ARHGEF7: variants seen among roughly 807,000 people sequenced by gnomAD.
The protein encoded by ARHGEF7 is Rho guanine nucleotide exchange factor 7.
Under a neutral mutation model 109.8 loss-of-function variants are expected in ARHGEF7, and 33 were observed. The ratio of observed to expected loss-of-function variants is 0.30; its 90% CI spans 0.23 to 0.40. The LOEUF is 0.40. Among genes scored for constraint, ARHGEF7 ranks in the 10% least tolerant of loss-of-function variants. ARHGEF7 has a pLI of 1.00. For missense variants in ARHGEF7, 938 were observed against 1,098.5 expected (o/e 0.85, Z 2.07); for synonymous variants, 458 against 424.6 (o/e 1.08, Z -0.97).
chr13:111,280,705 C>T (rs768157350), intron 15 of ARHGEF7, 28 bp downstream of exon 15: 5 of 1,492,776 alleles, frequency 3.3e-6, no homozygotes, highest in Non-Finnish European at 4.5e-6. Context: ...CTCCTCCTTC[C>T]AGACTCCAGG....
At chr13:111,210,185 T>C (rs2082326316) in intron 4 of ARHGEF7, among the ~76,000 whole-genome samples, 183 bp downstream of exon 4, 3 of 152,222 alleles carry the variant, frequency 2.0e-5, no homozygotes. Flanking sequence ...GATCCAGATA[T>C]TATGCTTAAT....
In ARHGEF7 at chr13:111,228,718, C is replaced by T. The variant is rs1469247999; in HGVS notation, c.671-4487C>T. ...AGCGGCAGGCAGACACTGCTGAGCACGGGCAGACACACACAGACATTGACT... is the reference window on the plus strand; with the variant it reads ...AGCGGCAGGCAGACACTGCTGAGCATGGGCAGACACACACAGACATTGACT... On this transcript the variant is annotated intron_variant, in intron 5 of 21. Coordinates refer to ENST00000646102, the MANE Select transcript of ARHGEF7 (RefSeq NM_001354046.2). The surrounding 1 kb of genome is among the most constrained non-coding windows in gnomAD (Gnocchi z 4.6). Among the ~76,000 whole-genome samples the T allele has an allele frequency of 5.9e-5, 9 of 152,042 alleles. No homozygotes were observed. Among genetic ancestry groups the T allele is most frequent in the South Asian group, 4.1e-4 (2 of 4,822 alleles).
At chr13:111,207,732 C>T (rs185591927) in intron 3 of ARHGEF7, among the ~76,000 whole-genome samples, 130 of 152,246 alleles carry the variant, frequency 8.5e-4, no homozygotes, top group African/African-American at 3.0e-3. Context: ...GATTGTCAAC[C>T]ATCTAGGTTT....
intron 2 of ARHGEF7, among the ~76,000 whole-genome samples, chr13:111,159,549 C>T (rs573172414): frequency 2.6e-5 from 4 of 152,290 alleles, no homozygotes; most frequent in South Asian, 2.1e-4. Context: ...CAACACCTGT[C>T]GCCTTTCATC....
intron 2 of ARHGEF7, among the ~76,000 whole-genome samples, chr13:111,165,417 T>G (rs1257966621): frequency 6.6e-6 from 1 of 152,210 alleles, no homozygotes; most frequent in Non-Finnish European, 1.5e-5. Context: ...TCTCCGCTGG[T>G]TGTTCAGCAA....
chr13:111,207,428 G>A (rs903536211), intron 3 of ARHGEF7, among the ~76,000 whole-genome samples: 3 of 152,148 alleles, frequency 2.0e-5, no homozygotes, highest in East Asian at 3.9e-4. Flanking sequence ...TTGGCCTCCC[G>A]AAGTGCTGAG....
chr13:111,290,777 C>CT (rs1406522535), intron 18 of ARHGEF7, among the ~76,000 whole-genome samples: 1 of 152,172 alleles, frequency 6.6e-6, no homozygotes, highest in Non-Finnish European at 1.5e-5. Context: ...CACTCTGGGG[C>CT]TTCAGGGAGC....
At chr13:111,216,954 A>G (rs1483787962) in intron 4 of ARHGEF7, among the ~76,000 whole-genome samples, 1 of 152,232 alleles carries the variant, frequency 6.6e-6, no homozygotes, top group Non-Finnish European at 1.5e-5. Flanking sequence ...AAAAATGCGA[A>G]TTAAAATACG....
At chr13:111,205,268 T>A in intron 2 of ARHGEF7, 21 bp from the exon 3 acceptor site, 2 of 1,587,100 alleles carry the variant, frequency 1.3e-6, no homozygotes, top group Non-Finnish European at 1.7e-6. Context: ...CTAATTTTGC[T>A]TGTTTAATTT....
chr13:111,189,785 C>T (rs1183291222), intron 2 of ARHGEF7, among the ~76,000 whole-genome samples: 2 of 152,094 alleles, frequency 1.3e-5, no homozygotes, highest in African/African-American at 4.8e-5. Context: ...GGACACAGAG[C>T]ACTGATTGAT....
rs757335532 is a variant in ARHGEF7, at chr13:111,258,458, C to T, written c.951-9090C>T. On this transcript the variant is annotated intron_variant, in intron 8 of 21. Transcript: ENST00000646102. This position sits in a 1 kb window ranked among gnomAD's most constrained non-coding sequence, Gnocchi z 4.4. Reference sequence around the variant, plus strand: ...CAGGCAGAACCCTGAGGCTCCCGGACGACATTTATAGACATACCTTGGACC... The same window carrying T: ...CAGGCAGAACCCTGAGGCTCCCGGATGACATTTATAGACATACCTTGGACC... 1.1e-4 allele frequency among the ~76,000 whole-genome samples: 17 copies of T among 152,192 alleles called. No individual in the cohort carries two copies. Among genetic ancestry groups the T allele is most frequent in the East Asian group, 1.9e-4 (1 of 5,196 alleles).
At chr13:111,149,783 A>G (rs948963049) in intron 1 of ARHGEF7, among the ~76,000 whole-genome samples, 2 of 152,258 alleles carry the variant, frequency 1.3e-5, no homozygotes, top group African/African-American at 4.8e-5. Flanking sequence ...CAGTACTCAC[A>G]TAACACGGAA....
intron 2 of ARHGEF7, among the ~76,000 whole-genome samples, chr13:111,169,501 T>C (rs2077408617): frequency 2.0e-5 from 3 of 152,022 alleles, no homozygotes; most frequent in Non-Finnish European, 2.9e-5. Flanking sequence ...CACACACTCA[T>C]CATCACGAGA....
At chr13:111,219,321 C>T (rs2083526588) in intron 5 of ARHGEF7, among the ~76,000 whole-genome samples, 1 of 152,222 alleles carries the variant, frequency 6.6e-6, no homozygotes, top group African/African-American at 2.4e-5. Context: ...CATGCTGTAG[C>T]ATATGACAGA....
intron 8 of ARHGEF7, among the ~76,000 whole-genome samples, chr13:111,259,263 C>T (rs1391123782): frequency 2.0e-5 from 3 of 152,168 alleles, no homozygotes; most frequent in African/African-American, 7.2e-5. Flanking sequence ...AAGTGGTTAC[C>T]ATGGGCCTTG....
intron 19 of ARHGEF7, among the ~76,000 whole-genome samples, chr13:111,299,742 A>G (rs1289912629): frequency 6.6e-6 from 1 of 152,114 alleles, no homozygotes; most frequent in African/African-American, 2.4e-5. Context: ...TTATGATCTG[A>G]CAAACTTTTA....
At chr13:111,160,628 C>T (rs1009542347) in intron 2 of ARHGEF7, among the ~76,000 whole-genome samples, 7 of 151,888 alleles carry the variant, frequency 4.6e-5, no homozygotes, top group African/African-American at 9.7e-5. Flanking sequence ...GCCTGGGCTA[C>T]GTGGCAAAAC....
chr13:111,215,036 G>A (rs1401619200), intron 4 of ARHGEF7, among the ~76,000 whole-genome samples: 2 of 151,986 alleles, frequency 1.3e-5, no homozygotes, highest in East Asian at 3.9e-4. Context: ...AAAAACAGTA[G>A]GGACGGCCAC....
In ARHGEF7 at chr13:111,303,232, C is replaced by T. The variant is rs1302850338; in HGVS notation, c.*119C>T. The T allele has an allele frequency of 4.2e-6, 4 of 946,858 alleles. No individual in the cohort carries two copies. Among genetic ancestry groups the T allele is most frequent in the Non-Finnish European group, 4.6e-6 (3 of 650,664 alleles). 58.7% of individuals were successfully genotyped at this position (946,858 alleles called of 1,614,324 possible). On this transcript the variant is annotated 3_prime_UTR_variant, in exon 22 of 22. Transcript: ENST00000646102. ...GGGCTGGGTGGGGCGCCACCTTGCT[C>T]TCTGTATATAGAAAAGCTGGAGCTT...
Sources: gnomAD v4.1 joint callset for allele counts (sites outside exome capture counted in the v4.1 genomes callset) on GRCh38, gnomAD v4.1.1 for gene constraint, Gnocchi (gnomAD v3.1) non-coding constraint, MANE v1.5 for transcripts, NCBI Gene and HGNC (gene_info 2026-07-23, HGNC 2026-07-21) for gene names.